MAST4: variants seen among roughly 807,000 people sequenced by gnomAD.
The protein encoded by MAST4 is microtubule-associated serine/threonine-protein kinase 4.
In MAST4, 89 loss-of-function variants were observed where a neutral mutation model predicts 162.7. The ratio of observed to expected loss-of-function variants is 0.55; its 90% CI spans 0.46 to 0.65. The LOEUF is 0.65. Among genes scored for constraint, MAST4 ranks in the 30% least tolerant of loss-of-function variants. MAST4 has a pLI of 0.00. For missense variants in MAST4, 3,153 were observed against 3,374.0 expected (o/e 0.93, Z 1.62); for synonymous variants, 1,479 against 1,361.1 (o/e 1.09, Z -1.91).
intron 3 of MAST4, among the ~76,000 whole-genome samples, chr5:66,827,471 T>C (rs761237116): frequency 2.3e-4 from 35 of 152,226 alleles, no homozygotes; most frequent in Non-Finnish European, 4.1e-4. Flanking sequence ...TTTTCCTCAG[T>C]GGTTAGATTC....
intron 7 of MAST4, among the ~76,000 whole-genome samples, chr5:67,096,107 A>G (rs1185090089): frequency 6.9e-6 from 1 of 144,874 alleles, no homozygotes; most frequent in Non-Finnish European, 1.5e-5. Flanking sequence ...TCCTTCAAAG[A>G]AAAAAAAAAG....
In MAST4 at chr5:67,134,615, C is replaced by T; in HGVS notation, c.2319C>T (p.Leu773=). ...ACTGGTGGGCCATGGGGATTATCCT[C>T]TATGAATTTCTGGTTGGATGCGTGC... is the stretch of plus-strand genomic sequence containing the variant. The part of the protein sequence containing the change: ...PVDWWAMGII[L]YEFLVGCVPF... Residue 773 remains leucine, a synonymous_variant, in exon 18 of 29, where the codon CTC becomes CTT. Coordinates refer to ENST00000403625, the MANE Select transcript of MAST4 (RefSeq NM_001164664.2). 1 of 1,613,666 alleles carries T rather than the reference C, an allele frequency of 6.2e-7. No homozygotes were observed.
At chr5:66,676,652 G>C (rs1747966122) in intron 1 of MAST4, among the ~76,000 whole-genome samples, 1 of 152,196 alleles carries the variant, frequency 6.6e-6, no homozygotes, top group African/African-American at 2.4e-5. Flanking sequence ...CGGAGCACTT[G>C]CTGAGAATGA....
Position 66,914,774 on chromosome 5 carries a change from T to C in MAST4, c.674+14792T>C, listed in dbSNP as rs74846276. 1.4e-3 allele frequency among the ~76,000 whole-genome samples: 210 copies of C among 152,270 alleles called. 2 individuals are homozygous for C. The highest frequency in any genetic ancestry group is 4.9e-3 in the African/African-American group (203 of 41,532). On this transcript the variant is annotated intron_variant, in intron 4 of 28. Transcript: ENST00000403625. Reference sequence around the variant, plus strand: ...GTGATTTTACCCCCAAAGATGACATTTGACAATATCTAGAGACCTTTTTGG... The same window carrying C: ...GTGATTTTACCCCCAAAGATGACATCTGACAATATCTAGAGACCTTTTTGG...
chr5:66,929,041 A>C (rs1741853438), intron 4 of MAST4, among the ~76,000 whole-genome samples: 1 of 152,174 alleles, frequency 6.6e-6, no homozygotes, highest in Non-Finnish European at 1.5e-5. Flanking sequence ...TGATTAGGGA[A>C]ATGTGTTTAC....
intron 4 of MAST4, among the ~76,000 whole-genome samples, chr5:67,024,426 A>T (rs1027318798): frequency 1.3e-5 from 2 of 151,460 alleles, no homozygotes; most frequent in East Asian, 3.9e-4. Context: ...TCGTGCAAGC[A>T]TATATATGGA....
In MAST4 at chr5:67,164,842, C is replaced by T. The variant is rs778615370; in HGVS notation, c.5663C>T (p.Ala1888Val). 1 of 1,614,022 alleles carries T rather than the reference C, an allele frequency of 6.2e-7. No homozygotes were observed. The highest frequency in any genetic ancestry group is 1.1e-5 in the South Asian group (1 of 91,084). The stretch of plus-strand genomic sequence containing the variant: ...AGCCGAGGTCTCCAGAATTCACCAG[C>T]AGTTTCCCTGCCTGACCCAGAGTTC... ...PPSRGLQNSP[A>V]VSLPDPEFKR... The change falls in exon 29 of 29, where the codon GCA becomes GTA. Residue 1888 changes from alanine to valine, a missense_variant. Ala to Val is a moderately conservative substitution (Grantham distance 64). Around this residue, in one of 7 missense-constraint regions of MAST4, gnomAD observed 1,644 missense variants for 1,495.0 expected, o/e 1.10. Transcript: ENST00000403625. This position sits in a 1 kb window ranked among gnomAD's most constrained non-coding sequence, Gnocchi z 5.3.
intron 4 of MAST4, among the ~76,000 whole-genome samples, chr5:66,957,702 A>C (rs976757930): frequency 6.6e-6 from 1 of 152,194 alleles, no homozygotes; most frequent in African/African-American, 2.4e-5. Flanking sequence ...AAGAGTTCTG[A>C]GAGTATCCTA....
chr5:66,655,550 G>C (rs4613647), intron 1 of MAST4, among the ~76,000 whole-genome samples: 1 of 152,076 alleles, frequency 6.6e-6, no homozygotes, highest in Non-Finnish European at 1.5e-5. Context: ...AGTTTCTTTG[G>C]CAGGAAACCA....
At chr5:66,986,422 C>A in intron 4 of MAST4, 1 of 1,512,108 alleles carries the variant, frequency 6.6e-7, no homozygotes. Flanking sequence ...ATCACTCTGT[C>A]TTTTTCTCTG....
intron 3 of MAST4, among the ~76,000 whole-genome samples, chr5:66,860,553 C>G (rs573362185): frequency 5.9e-5 from 9 of 151,654 alleles, no homozygotes; most frequent in African/African-American, 2.2e-4. Context: ...GTTTCTTTAA[C>G]TATCTTTCAG....
intron 3 of MAST4, among the ~76,000 whole-genome samples, chr5:66,884,144 C>A (rs1291178847): frequency 6.6e-6 from 1 of 152,200 alleles, no homozygotes; most frequent in Admixed American, 6.5e-5. Flanking sequence ...TGTATTCTTT[C>A]AGAAGCACAT....
chr5:66,923,716 T>A (rs1044732432), intron 4 of MAST4, among the ~76,000 whole-genome samples: 22 of 152,242 alleles, frequency 1.4e-4, no homozygotes, highest in African/African-American at 5.1e-4. Flanking sequence ...TTTTGGTTGC[T>A]GCTCTAGAAA....
intron 3 of MAST4, among the ~76,000 whole-genome samples, chr5:66,803,895 G>T (rs551361982): frequency 1.3e-5 from 2 of 151,486 alleles, no homozygotes; most frequent in African/African-American, 4.8e-5. Context: ...ATCATAAAGA[G>T]AATGCTTTCC....
In MAST4 at chr5:66,603,811, C is replaced by G. The variant is rs534732922; in HGVS notation, c.363+6793C>G. On this transcript the variant is annotated intron_variant, in intron 1 of 28. Coordinates refer to ENST00000403625, the MANE Select transcript of MAST4 (RefSeq NM_001164664.2). ...AACAACTGGTGTTCTGCTCTGTGCA[C>G]TTGTTCAGGCTAACATTTACACAAC... Among the ~76,000 whole-genome samples the G allele has an allele frequency of 1.1e-4, 16 of 152,320 alleles. No homozygotes were observed. In the South Asian group the frequency reaches 2.7e-3, roughly 26 times the overall value.
chr5:66,853,854 C>A (rs1759484978), intron 3 of MAST4, among the ~76,000 whole-genome samples: 1 of 152,058 alleles, frequency 6.6e-6, no homozygotes, highest in Admixed American at 6.5e-5. Context: ...AAGTATCTTG[C>A]ATCAAACATA....
At chr5:66,863,343 G>A (rs939636558) in intron 3 of MAST4, among the ~76,000 whole-genome samples, 2 of 152,146 alleles carry the variant, frequency 1.3e-5, no homozygotes, top group Non-Finnish European at 2.9e-5. Context: ...AATTTTGAAG[G>A]TGAAAACCAC....
chr5:67,024,216 T>C (rs1219728830), intron 4 of MAST4, among the ~76,000 whole-genome samples: 2 of 151,502 alleles, frequency 1.3e-5, no homozygotes, highest in African/African-American at 4.8e-5. Flanking sequence ...TTCATCCATG[T>C]TGTAGAATGT....
chr5:66,636,366 C>T (rs1212112786), intron 1 of MAST4, among the ~76,000 whole-genome samples: 1 of 152,156 alleles, frequency 6.6e-6, no homozygotes, highest in Non-Finnish European at 1.5e-5. Context: ...AAGTATTTCC[C>T]TCACTTACTG....
Sources: allele counts gnomAD v4.1 joint callset (sites outside exome capture counted in the v4.1 genomes callset), GRCh38; gene constraint gnomAD v4.1.1; regional missense constraint gnomAD v4.1.1; non-coding constraint Gnocchi (gnomAD v3.1); transcripts MANE v1.5; gene names NCBI Gene and HGNC (gene_info 2026-07-23, HGNC 2026-07-21).